Variants in ADAMTS13 observed in about 807,000 individuals in gnomAD.
The protein encoded by ADAMTS13 is A disintegrin and metalloproteinase with thrombospondin motifs 13.
ADAMTS13 carries 110 observed loss-of-function variants against 155.1 expected under a neutral mutation model. The ratio of observed to expected loss-of-function variants is 0.71; its 90% CI spans 0.61 to 0.83. The LOEUF is 0.83. ADAMTS13 is among the 40% of genes least tolerant of loss of function. The probability of loss-of-function intolerance (pLI) is 0.00; values close to 1 mark genes in which losing one functional copy is unlikely to be tolerated. For missense variants in ADAMTS13, 1,707 were observed against 1,891.7 expected (o/e 0.90, Z 1.81); for synonymous variants, 758 against 756.4 (o/e 1.00, Z -0.03).
intron 24 of ADAMTS13, 110 bp downstream of exon 24, chr9:133,454,729 G>C (rs1281428632): frequency 6.6e-6 from 9 of 1,359,524 alleles, no homozygotes; most frequent in African/African-American, 1.4e-5. Context: ...TCCCCTGAAA[G>C]GAAGGAGAGA....
In ADAMTS13 at chr9:133,438,466, T is replaced by C. The variant is rs1424854209; in HGVS notation, c.1705+100T>C. 5 of 1,539,970 alleles carry C rather than the reference T, an allele frequency of 3.2e-6. No individual in the cohort carries two copies. The Admixed American group carries it at 5.6e-5, about 17-fold the overall frequency. ...CAGGGGCTGCTCAGGTCACAGGGCC[T>C]GCACACTCACTCAGCCCTGGATGCC... On this transcript the variant is annotated intron_variant, in intron 14 of 28. Coordinates refer to ENST00000355699, the MANE Select transcript of ADAMTS13 (RefSeq NM_139027.6).
In ADAMTS13 at chr9:133,425,979, G is replaced by A; in HGVS notation, c.456G>A (p.Leu152=). ...NITANLTSSL[L]SVCGWSQTIN... ...CAGCCAACCTCACCTCGTCCCTGCT[G>A]AGCGTCTGTGGGTGGAGCCAGACCA... The change falls in exon 5 of 29, where the codon CTG becomes CTA. Residue 152 remains leucine (L), a synonymous_variant. Coordinates refer to ENST00000355699, the MANE Select transcript of ADAMTS13 (RefSeq NM_139027.6). This position sits in a 1 kb window ranked among gnomAD's most constrained non-coding sequence, Gnocchi z 4.6. The A allele has an allele frequency of 6.2e-7, 1 of 1,613,944 alleles. No individual in the cohort carries two copies. The highest frequency in any genetic ancestry group is 8.5e-7 in the Non-Finnish European group (1 of 1,180,036).
chr9:133,428,727 C>A lies in ADAMTS13; in HGVS notation c.780C>A (p.Leu260=). The A allele has an allele frequency of 7.4e-7, 1 of 1,360,178 alleles. No individual in the cohort carries two copies. Among genetic ancestry groups the A allele is most frequent in the Non-Finnish European group, 9.5e-7 (1 of 1,053,900 alleles). 84.3% of individuals were successfully genotyped at this position (1,360,178 alleles called of 1,614,324 possible). The change falls in exon 7 of 29, where the codon CTC becomes CTA. Residue 260 remains leucine, a synonymous_variant. Transcript: ENST00000355699. ...ACGGCGCCGCGCCCCGCGCCGGCCT[C>A]GCCTGGTCCCCCTGCAGCCGCCGGC... ...ASDGAAPRAG[L]AWSPCSRRQL...
chr9:133,459,363 CAATA>C lies in ADAMTS13; in HGVS notation c.*190_*193del. ...AAGCAGCCCCCATTTCCTCGGGTAC[CAATA>C]AATAAAACATGCAGGCTGACCGGCG... is the stretch of plus-strand genomic sequence containing the variant. On this transcript the variant is annotated 3_prime_UTR_variant, in exon 29 of 29. Coordinates refer to ENST00000355699, the MANE Select transcript of ADAMTS13 (RefSeq NM_139027.6). The C allele has an allele frequency of 1.4e-6, 1 of 723,746 alleles. No individual in the cohort carries two copies. Among genetic ancestry groups the C allele is most frequent in the South Asian group, 1.5e-5 (1 of 67,200 alleles). 44.8% of individuals were successfully genotyped at this position (723,746 alleles called of 1,614,324 possible). A position where few individuals can be genotyped will look rare whatever the true frequency, so the allele number is the denominator to read the frequency against.
Position 133,448,682 on chromosome 9 carries a change from C to G in ADAMTS13, c.2815C>G (p.Pro939Ala), listed in dbSNP as rs1267059983. The change falls in exon 22 of 29, where the codon CCT becomes GCT. Residue 939 changes from proline to alanine, a missense_variant. Pro to Ala is a conservative substitution (Grantham distance 27). Transcript: ENST00000355699. ...AGAGCTGTGTGGCCTGGCAAGCAAG[C>G]CTGGGAGCCGGCGGGAGGTCTGCCA... ...QEELCGLASK[P>A]GSRREVCQAV... 1 of 1,606,392 alleles carries G rather than the reference C, an allele frequency of 6.2e-7. No individual in the cohort carries two copies. The highest frequency in any genetic ancestry group is 8.5e-7 in the Non-Finnish European group (1 of 1,179,976).
In ADAMTS13 at chr9:133,433,271, G is replaced by C. The variant is rs587745395; in HGVS notation, c.1093-107G>C. On this transcript the variant is annotated intron_variant, in intron 9 of 28. Transcript: ENST00000355699. Reference sequence around the variant, plus strand: ...GGGGGTCGCTGTGGGTGGGGTCCCTGTGTGTGTTGGGGATCCCTGAGGATG... The same window carrying C: ...GGGGGTCGCTGTGGGTGGGGTCCCTCTGTGTGTTGGGGATCCCTGAGGATG... The C allele has an allele frequency of 3.4e-6, 5 of 1,492,522 alleles. No individual in the cohort carries two copies. In the South Asian group the frequency reaches 4.5e-5, roughly 14 times the overall value. The allele number at this position is 1,492,522 out of a possible 1,614,324, so 92.5% of individuals were successfully genotyped here. A position where few individuals can be genotyped will look rare whatever the true frequency, so the allele number is the denominator to read the frequency against.
In ADAMTS13 at chr9:133,437,759, G is replaced by C. The variant is rs1554789492; in HGVS notation, c.1446G>C (p.Leu482=). 7 of 1,613,900 alleles carry C rather than the reference G, an allele frequency of 4.3e-6. No homozygotes were observed. Among genetic ancestry groups the C allele is most frequent in the Admixed American group, 3.3e-5 (2 of 60,030 alleles). Residue 482 remains leucine (L), a synonymous_variant, in exon 13 of 29, where the codon CTG becomes CTC. Transcript: ENST00000355699. The part of the protein sequence containing the change: ...AAVPHSQGDA[L]CRHMCRAIGE... ...ACTCTGCCCTCCCAGGGGATGCTCT[G>C]TGCAGACACATGTGCCGGGCCATTG...
chr9:133,422,638 G>C, intron 1 of ADAMTS13, 90 bp downstream of exon 1: 1 of 1,308,860 alleles, frequency 7.6e-7, no homozygotes, highest in Non-Finnish European at 1.1e-6. Context: ...CCAAATAGCT[G>C]ACTACATCAG....
Position 133,456,514 on chromosome 9 carries a change from T to C in ADAMTS13, c.3548-29T>C. ...CTCTGCTGACCAGGCGTGGGAGTGCTGGACCCTCACTGCCCTGCCGCTTCC... is the reference window on the plus strand; with the variant it reads ...CTCTGCTGACCAGGCGTGGGAGTGCCGGACCCTCACTGCCCTGCCGCTTCC... On this transcript the variant is annotated intron_variant, in intron 26 of 28. Coordinates refer to ENST00000355699, the MANE Select transcript of ADAMTS13 (RefSeq NM_139027.6). The surrounding 1 kb of genome is among the most constrained non-coding windows in gnomAD (Gnocchi z 4.4). 6.2e-7 allele frequency: 1 copy of C among 1,610,316 alleles called. No homozygotes were observed. The highest frequency in any genetic ancestry group is 2.2e-5 in the East Asian group (1 of 44,842).
At chr9:133,436,532 C>T (rs1554789010) in intron 11 of ADAMTS13, among the ~76,000 whole-genome samples, 1 of 152,198 alleles carries the variant, frequency 6.6e-6, no homozygotes, top group East Asian at 1.9e-4. Context: ...CATCCCCGTC[C>T]CTGTTTTATT....
At chr9:133,432,033 G>A (rs978606660) in intron 8 of ADAMTS13, among the ~76,000 whole-genome samples, 1 of 132,638 alleles carries the variant, frequency 7.5e-6, no homozygotes, top group African/African-American at 2.4e-5. Context: ...GGAAGCCAAG[G>A]CAGGCGGATC....
intron 24 of ADAMTS13, among the ~76,000 whole-genome samples, chr9:133,454,994 C>T (rs587748693): frequency 2.6e-5 from 4 of 152,264 alleles, no homozygotes; most frequent in African/African-American, 9.6e-5. Context: ...AGGGGCACAG[C>T]AGACAGAGAT....
rs782363479 is a variant in ADAMTS13 at position 133,440,342 on chromosome 9, A to C, written c.1787-2A>C. The C allele has an allele frequency of 1.9e-6, 3 of 1,613,886 alleles. No homozygotes were observed. The highest frequency in any genetic ancestry group is 2.5e-6 in the Non-Finnish European group (3 of 1,180,042). On this transcript the variant is annotated splice_acceptor_variant, in intron 15 of 28. Coordinates refer to ENST00000355699, the MANE Select transcript of ADAMTS13 (RefSeq NM_139027.6). LOFTEE classifies it high-confidence loss of function. The surrounding 1 kb of genome is among the most constrained non-coding windows in gnomAD (Gnocchi z 4.3). ...CAGCTAACAGGGCTGGTTCCCCGAC[A>C]GCGGTGAGGATCGGAGGGCGCTATG...
chr9:133,455,345 G>A lies in ADAMTS13; in HGVS notation c.3310G>A (p.Ala1104Thr), dbSNP rs782054636. 2 of 1,610,374 alleles carry A rather than the reference G, an allele frequency of 1.2e-6. No individual in the cohort carries two copies. Among genetic ancestry groups the A allele is most frequent in the Middle Eastern group, 1.6e-4 (1 of 6,062 alleles). The part of the protein sequence containing the change: ...RRRDTCLGPQ[A>T]QAPVPADFCQ... ...GCGTGACACCTGCCTCGGACCCCAG[G>A]CCCAGGCGCCTGTGCCAGCTGATTT... The change falls in exon 25 of 29, where the codon GCC becomes ACC. Residue 1104 changes from alanine to threonine, a missense_variant. Physicochemically the swap from Ala to Thr is moderately conservative, Grantham distance 58. Around this residue, in one of 3 missense-constraint regions of ADAMTS13, gnomAD observed 961 missense variants for 1,107.9 expected, o/e 0.87. Coordinates refer to ENST00000355699, the MANE Select transcript of ADAMTS13 (RefSeq NM_139027.6).
At chr9:133,444,038 G>A (rs971290144) in intron 19 of ADAMTS13, among the ~76,000 whole-genome samples, 3 of 152,148 alleles carry the variant, frequency 2.0e-5, no homozygotes, top group African/African-American at 7.2e-5. Context: ...GGTGGGAGGG[G>A]ATTGGTCTGG....
At chr9:133,455,603 A>C (rs781911555) in intron 25 of ADAMTS13, 168 bp downstream of exon 25, 2 of 1,601,038 alleles carry the variant, frequency 1.2e-6, no homozygotes, top group Non-Finnish European at 1.7e-6. Flanking sequence ...AGTGCAGTCC[A>C]GTTATGTCCT....
chr9:133,434,675 G>A (rs1016327256), intron 11 of ADAMTS13, among the ~76,000 whole-genome samples: 3 of 152,184 alleles, frequency 2.0e-5, no homozygotes, highest in African/African-American at 7.2e-5. Context: ...TGGCAACTCA[G>A]TGGCCTTTAG....
chr9:133,447,101 T>C (rs1842114986), intron 21 of ADAMTS13, among the ~76,000 whole-genome samples: 1 of 152,188 alleles, frequency 6.6e-6, no homozygotes, highest in Non-Finnish European at 1.5e-5. Context: ...GTGATCTGCC[T>C]GCCTTGGCCT....
chr9:133,420,664 G>A (rs1017429960), upstream of ADAMTS13, among the ~76,000 whole-genome samples: 1 of 152,230 alleles, frequency 6.6e-6, no homozygotes, highest in African/African-American at 2.4e-5. Context: ...AGAGTTAAGT[G>A]AGAGTGGGGG....
Sources: gnomAD v4.1 joint callset for allele counts (sites outside exome capture counted in the v4.1 genomes callset) on GRCh38, gnomAD v4.1.1 for gene constraint, gnomAD v4.1.1 regional missense constraint, Gnocchi (gnomAD v3.1) non-coding constraint, MANE v1.5 for transcripts, NCBI Gene and HGNC (gene_info 2026-07-23, HGNC 2026-07-21) for gene names.